ZFHX3: variants seen among roughly 807,000 people sequenced by gnomAD.
The protein encoded by ZFHX3 is zinc finger homeobox protein 3.
In ZFHX3, 42 loss-of-function variants were observed where a neutral mutation model predicts 279.1. The ratio of observed to expected loss-of-function variants is 0.15; its 90% confidence interval spans 0.12 to 0.19. The LOEUF is 0.19. ZFHX3 is among the 10% of genes least tolerant of loss of function. ZFHX3 has a pLI of 1.00. For synonymous variants in ZFHX3, 2,293 were observed against 1,957.8 expected, an observed-to-expected ratio of 1.17 and a Z score of -4.52; for missense variants, 4,981 against 4,754.0, an observed-to-expected ratio of 1.05 and a Z score of -1.40.
intron 4 of ZFHX3, among the ~76,000 whole-genome samples, chr16:72,834,570 C>A (rs990130535): frequency 3.9e-5 from 6 of 152,164 alleles, no homozygotes; most frequent in Non-Finnish European, 5.9e-5. Flanking sequence ...AAGGTGACTG[C>A]ACAATTCCCC....
chr16:72,954,594 G>A lies in ZFHX3; in HGVS notation c.2719+2833C>T, dbSNP rs557940313. On this transcript the variant is annotated intron_variant, in intron 2 of 9. Coordinates refer to ENST00000268489, the MANE Select transcript of ZFHX3 (RefSeq NM_006885.4). ...GAGACGAAGGGAGCTGCTAAACCTT[G>A]TGCAGGTGTCCAGGGGCTGGCTGGC... 2.0e-5 allele frequency among the ~76,000 whole-genome samples: 3 copies of A among 152,296 alleles called. No homozygotes were observed. The East Asian group carries it at 5.8e-4, about 29-fold the overall frequency.
chr16:73,739,863 G>A (rs1481663742), intron 1 of ZFHX3, among the ~76,000 whole-genome samples: 1 of 152,114 alleles, frequency 6.6e-6, no homozygotes, highest in Non-Finnish European at 1.5e-5. Context: ...GAGCCCCAAG[G>A]CATGAGGAAA....
intron 1 of ZFHX3, among the ~76,000 whole-genome samples, chr16:73,054,197 T>C (rs1193683909): frequency 6.6e-6 from 1 of 152,168 alleles, no homozygotes; most frequent in Non-Finnish European, 1.5e-5. Flanking sequence ...CCAGACAGTG[T>C]TGTCTAATGA....
chr16:72,795,204 G>A lies in ZFHX3; in HGVS notation c.7478C>T (p.Pro2493Leu), dbSNP rs376640733. 1 of 1,607,648 alleles carries A rather than the reference G, an allele frequency of 6.2e-7. No homozygotes were observed. The highest frequency in any genetic ancestry group is 1.1e-5 in the South Asian group (1 of 89,812). ...PPPQAPPPQC[P>L]LPQSSPSPSQ... ...AGGACTGGGGCTCGACTGGGGTAAG[G>A]GGCACTGTGGAGGGGGCGCTTGTGG... is the stretch of plus-strand genomic sequence containing the variant. Residue 2493 changes from proline to leucine, a missense_variant, in exon 9 of 10, where the codon CCC (proline) becomes CTC (leucine). By Grantham distance (98) the Pro-to-Leu change is moderately conservative. Around this residue, in one of 7 missense-constraint regions of ZFHX3, gnomAD observed 744 missense variants for 701.3 expected, o/e 1.06. Transcript: ENST00000268489.
At chr16:72,943,371 T>C (rs1237249021) in intron 3 of ZFHX3, among the ~76,000 whole-genome samples, 1 of 151,986 alleles carries the variant, frequency 6.6e-6, no homozygotes, top group Non-Finnish European at 1.5e-5. Context: ...CCATCTCTAC[T>C]AAAAGTACAA....
intron 2 of ZFHX3, among the ~76,000 whole-genome samples, chr16:73,622,461 C>T (rs944120481): frequency 6.6e-6 from 1 of 152,032 alleles, no homozygotes; most frequent in Admixed American, 6.6e-5. Flanking sequence ...ACTCGGGAGG[C>T]TGAGGTGGGA....
chr16:73,485,075 G>A (rs543216079), intron 2 of ZFHX3, among the ~76,000 whole-genome samples: 3 of 152,272 alleles, frequency 2.0e-5, no homozygotes, highest in Admixed American at 2.0e-4. Flanking sequence ...AAGAAGTAAT[G>A]GCTAGTTGCA....
chr16:73,641,735 G>A (rs1016099626), intron 2 of ZFHX3, among the ~76,000 whole-genome samples: 1 of 152,108 alleles, frequency 6.6e-6, no homozygotes, highest in Non-Finnish European at 1.5e-5. Context: ...TAAGTGAATG[G>A]AAAACAGCCT....
chr16:73,570,065 C>A (rs370358001), intron 2 of ZFHX3, among the ~76,000 whole-genome samples: 2 of 152,068 alleles, frequency 1.3e-5, no homozygotes, highest in Admixed American at 6.6e-5. Context: ...TGACACTTCC[C>A]GGGTATACAT....
chr16:72,792,654 G>A (rs552773050), intron 9 of ZFHX3, among the ~76,000 whole-genome samples: 1 of 152,106 alleles, frequency 6.6e-6, no homozygotes. Context: ...GTTTCACCAT[G>A]TTGGCCAGGC....
intron 2 of ZFHX3, among the ~76,000 whole-genome samples, chr16:73,581,861 A>T (rs149916842): frequency 6.6e-6 from 1 of 151,014 alleles, no homozygotes; most frequent in Non-Finnish European, 1.5e-5. Flanking sequence ...TTTTTAGTAG[A>T]GACAGGGTTT....
At chr16:72,846,930 A>G (rs2037496483) in intron 4 of ZFHX3, among the ~76,000 whole-genome samples, 1 of 152,170 alleles carries the variant, frequency 6.6e-6, no homozygotes, top group South Asian at 2.1e-4. Flanking sequence ...GGACGCCCAT[A>G]AACCAAAGGA....
chr16:73,098,013 A>G (rs59003378), intron 7 of ZFHX3, among the ~76,000 whole-genome samples: 7,707 of 150,730 alleles, frequency 0.051, 664 homozygotes, highest in African/African-American at 0.18. Flanking sequence ...CTCTTTGGCT[A>G]TTGGAATAAT....
rs369368145 is a variant in ZFHX3 at position 73,441,819 on chromosome 16, T to C, written c.-1291+14184A>G. 2.0e-4 allele frequency among the ~76,000 whole-genome samples: 30 copies of C among 152,276 alleles called. 1 individual carries two copies. In the South Asian group the frequency reaches 6.2e-3, roughly 32 times the overall value. On this transcript the variant is annotated intron_variant, in intron 3 of 17. Coordinates refer to the ZFHX3 transcript ENST00000641206. ...GTCTTGGAAAACCATTGACTTGAAA[T>C]GTGGGGAAGATTCAGCAAAGTCAAA... is the stretch of plus-strand genomic sequence containing the variant.
At chr16:72,809,640 A>C (rs2036378939) in intron 7 of ZFHX3, 1 of 152,214 alleles carries the variant, frequency 6.6e-6, no homozygotes, top group East Asian at 1.9e-4. Context: ...CTTCATGACT[A>C]AACATCACTT....
chr16:72,968,230 T>C (rs1961939933), intron 1 of ZFHX3, among the ~76,000 whole-genome samples: 1 of 151,890 alleles, frequency 6.6e-6, no homozygotes, highest in African/African-American at 2.4e-5. Context: ...CAAATCCAAC[T>C]GAGGACAGTC....
chr16:73,031,658 G>T lies in ZFHX3; in HGVS notation c.-50+16094C>A, dbSNP rs1033149603. Among the ~76,000 whole-genome samples, 8 of 152,314 alleles carry T rather than the reference G, an allele frequency of 5.3e-5. No individual in the cohort carries two copies. The East Asian group carries it at 9.6e-4, about 18-fold the overall frequency. On this transcript the variant is annotated intron_variant, in intron 1 of 9. Coordinates refer to ENST00000268489, the MANE Select transcript of ZFHX3 (RefSeq NM_006885.4). ...CTAATTAAAATGCCCCCATGATGGC[G>T]TGACTGGACTCAGAGCCACCACAGC...
intron 3 of ZFHX3, among the ~76,000 whole-genome samples, chr16:73,422,966 G>T (rs144732677): frequency 6.6e-6 from 1 of 152,130 alleles, no homozygotes; most frequent in Non-Finnish European, 1.5e-5. Context: ...TTTTCCTGGG[G>T]CCTCTCTCCT....
At chr16:72,964,290 A>T (rs1961724818) in intron 1 of ZFHX3, among the ~76,000 whole-genome samples, 2 of 152,218 alleles carry the variant, frequency 1.3e-5, no homozygotes, top group South Asian at 4.1e-4. Flanking sequence ...AAGAGGAAAA[A>T]TTTGGGCAAA....
Sources: gnomAD v4.1 joint callset for allele counts (sites outside exome capture counted in the v4.1 genomes callset) on GRCh38, gnomAD v4.1.1 for gene constraint, gnomAD v4.1.1 regional missense constraint, MANE v1.5 for transcripts, NCBI Gene and HGNC (gene_info 2026-07-23, HGNC 2026-07-21) for gene names.